JARID2: variants seen among roughly 807,000 people sequenced by gnomAD.
The protein encoded by JARID2 is protein Jumonji.
Under a neutral mutation model 125.6 loss-of-function variants are expected in JARID2, and 21 were observed. The observed-to-expected ratio is 0.17, with a 90% confidence interval of 0.12 to 0.24. The LOEUF is 0.24. Ranked by LOEUF, JARID2 falls within the 10% of genes least tolerant of loss-of-function variation. The pLI is 1.00. For synonymous variants in JARID2, 736 were observed against 661.6 expected (o/e 1.11, Z -1.73); for missense variants, 1,303 against 1,639.6 (o/e 0.79, Z 3.55).
chr6:15,318,471 T>G (rs1465426609), intron 1 of JARID2, among the ~76,000 whole-genome samples: 2 of 152,222 alleles, frequency 1.3e-5, no homozygotes, highest in Admixed American at 6.5e-5. Flanking sequence ...GTTTTTGTTG[T>G]TTTTTGTTTA....
chr6:15,365,720 C>T (rs866174351), intron 1 of JARID2, among the ~76,000 whole-genome samples: 2 of 151,876 alleles, frequency 1.3e-5, no homozygotes, highest in Admixed American at 6.6e-5. Flanking sequence ...ATTTTCAGGC[C>T]GTTTACCCTA....
chr6:15,392,185 C>T (rs752488712), intron 2 of JARID2, among the ~76,000 whole-genome samples: 2 of 152,052 alleles, frequency 1.3e-5, no homozygotes, highest in African/African-American at 2.4e-5. Flanking sequence ...TGTCAAGCCA[C>T]GTTAAGGTGG....
chr6:15,337,992 T>C (rs7739552), intron 1 of JARID2, among the ~76,000 whole-genome samples: 37,980 of 151,924 alleles, frequency 0.25, 6,272 homozygotes, highest in African/African-American at 0.47. Flanking sequence ...GCCAACCAAA[T>C]CCTCCACCTC....
Position 15,404,867 on chromosome 6 carries a change from T to C in JARID2, c.182-5357T>C, listed in dbSNP as rs997463701. Among the ~76,000 whole-genome samples, 15 of 152,338 alleles carry C rather than the reference T, an allele frequency of 9.8e-5. No homozygotes were observed. In the East Asian group the frequency reaches 2.9e-3, roughly 29 times the overall value. On this transcript the variant is annotated intron_variant, in intron 2 of 17. Transcript: ENST00000341776. ...GCACTGCTTTTGTGGAATAGAGCCA[T>C]TGGCTTTTCCTTTAGTTTTCTATTG... is the stretch of plus-strand genomic sequence containing the variant.
intron 7 of JARID2, 21 bp downstream of exon 7, chr6:15,497,191 AG>A: frequency 6.7e-7 from 1 of 1,497,310 alleles, no homozygotes; most frequent in Non-Finnish European, 9.0e-7. Flanking sequence ...GCGGGGGGTC[AG>A]GGGGTGGTGC....
chr6:15,395,922 C>G (rs1765204157), intron 2 of JARID2, among the ~76,000 whole-genome samples: 1 of 152,176 alleles, frequency 6.6e-6, no homozygotes, highest in African/African-American at 2.4e-5. Flanking sequence ...CTTGGCCTCC[C>G]TAAGTGCTGG....
At chr6:15,247,792 A>C in intron 1 of JARID2, 1 of 985,448 alleles carries the variant, frequency 1.0e-6, no homozygotes, top group Non-Finnish European at 1.2e-6. Context: ...TGCAAGGTTA[A>C]ATAATCAAGC....
At chr6:15,395,309 G>C (rs1184001708) in intron 2 of JARID2, among the ~76,000 whole-genome samples, 1 of 152,050 alleles carries the variant, frequency 6.6e-6, no homozygotes, top group Non-Finnish European at 1.5e-5. Flanking sequence ...GGGGGGTGGT[G>C]GGGGCACGGA....
At chr6:15,316,393 T>G (rs2127434278) in intron 1 of JARID2, among the ~76,000 whole-genome samples, 1 of 152,306 alleles carries the variant, frequency 6.6e-6, no homozygotes, top group Admixed American at 6.5e-5. Flanking sequence ...TGCTTCTGTC[T>G]CAGATTCAGT....
chr6:15,422,087 CTT>C lies in JARID2; in HGVS notation c.323+11723_323+11724del, dbSNP rs1766515910. On this transcript the variant is annotated intron_variant, in intron 3 of 17. Coordinates refer to ENST00000341776, the MANE Select transcript of JARID2 (RefSeq NM_004973.4). Reference sequence around the variant, plus strand: ...GAACCTACAGCTCCCGAAATCCTCTCTTGGGTCCTCCAATGTTAGAGGTCCTT... The same window carrying C: ...GAACCTACAGCTCCCGAAATCCTCTCGGGTCCTCCAATGTTAGAGGTCCTT... Among the ~76,000 whole-genome samples, 3 of 152,202 alleles carry C rather than the reference CTT, an allele frequency of 2.0e-5. No homozygotes were observed. In the South Asian group the frequency reaches 6.2e-4, roughly 32 times the overall value.
At chr6:15,400,807 G>A (rs1396048951) in intron 2 of JARID2, 7 of 1,243,164 alleles carry the variant, frequency 5.6e-6, no homozygotes, top group South Asian at 1.3e-5. Flanking sequence ...CTATTGCCGC[G>A]CGGAATCTGC....
intron 17 of JARID2, among the ~76,000 whole-genome samples, chr6:15,519,015 TTG>T (rs1771698113): frequency 6.6e-6 from 1 of 152,124 alleles, no homozygotes; most frequent in Non-Finnish European, 1.5e-5. Context: ...TTGGAGCCAT[TTG>T]TGTCTCTGGC....
intron 1 of JARID2, among the ~76,000 whole-genome samples, chr6:15,354,940 A>G (rs1335125325): frequency 6.6e-6 from 1 of 152,212 alleles, no homozygotes; most frequent in African/African-American, 2.4e-5. Flanking sequence ...TCAGGTGGGG[A>G]GCAAGCACAA....
intron 1 of JARID2, among the ~76,000 whole-genome samples, chr6:15,250,896 T>C (rs905840024): frequency 6.7e-6 from 1 of 149,590 alleles, no homozygotes; most frequent in African/African-American, 2.5e-5. Context: ...AGTATATAAT[T>C]GGTGTCTGTT....
intron 7 of JARID2, 133 bp from the exon 8 acceptor site, chr6:15,500,774 C>G (rs1326004704): frequency 3.9e-6 from 3 of 761,328 alleles, no homozygotes; most frequent in Non-Finnish European, 6.6e-6. Flanking sequence ...GTCTGCTGTT[C>G]ACCACTCTCA....
intron 3 of JARID2, among the ~76,000 whole-genome samples, chr6:15,433,926 GT>G (rs1767085932): frequency 2.1e-5 from 1 of 47,684 alleles, no homozygotes; most frequent in Non-Finnish European, 4.2e-5. Flanking sequence ...TCCAGGGTGT[GT>G]GTGTGTGTGT....
chr6:15,261,174 C>T (rs1353717064), intron 1 of JARID2, among the ~76,000 whole-genome samples: 1 of 152,188 alleles, frequency 6.6e-6, no homozygotes. Flanking sequence ...AGTCCTATTA[C>T]TACTCCCTTT....
chr6:15,397,175 G>A (rs1765249410), intron 2 of JARID2, among the ~76,000 whole-genome samples: 2 of 152,130 alleles, frequency 1.3e-5, no homozygotes, highest in African/African-American at 4.8e-5. Flanking sequence ...GTCACAGAGT[G>A]CCCACACTTT....
intron 5 of JARID2, among the ~76,000 whole-genome samples, chr6:15,487,029 G>A (rs556272935): frequency 2.0e-5 from 3 of 152,252 alleles, no homozygotes; most frequent in African/African-American, 4.8e-5. Flanking sequence ...CGAAGGGGAA[G>A]CAAAGCACTT....
Sources: allele counts gnomAD v4.1 joint callset (sites outside exome capture counted in the v4.1 genomes callset), GRCh38; gene constraint gnomAD v4.1.1; transcripts MANE v1.5; gene names NCBI Gene and HGNC (gene_info 2026-07-23, HGNC 2026-07-21).